The following HMOX1 variants were observed in gnomAD, a reference collection of about 807,000 sequenced individuals.
HMOX1 encodes heat shock protein, 32-kD.
Under a neutral mutation model 27.8 loss-of-function variants are expected in HMOX1, and 22 were observed. The ratio of observed to expected loss-of-function variants is 0.79; its 90% CI spans 0.57 to 1.13. The LOEUF is 1.13. Ranked by LOEUF, HMOX1 falls within the 50% of genes most tolerant of loss-of-function variation. The pLI, the probability that HMOX1 is intolerant of heterozygous loss-of-function variation, is 0.00. For missense variants in HMOX1, 379 were observed against 377.7 expected, an observed-to-expected ratio of 1.00 and a Z score of -0.03; for synonymous variants, 153 against 151.6, an observed-to-expected ratio of 1.01 and a Z score of -0.07.
chr22:35,383,728 C>T (rs952552009), intron 2 of HMOX1, among the ~76,000 whole-genome samples: 1 of 152,180 alleles, frequency 6.6e-6, no homozygotes, highest in African/African-American at 2.4e-5. Context: ...TAACAGAACC[C>T]TTTTCTAACA....
intron 4 of HMOX1, among the ~76,000 whole-genome samples, chr22:35,393,245 T>G (rs994598608): frequency 2.6e-5 from 4 of 152,186 alleles, no homozygotes; most frequent in Non-Finnish European, 4.4e-5. Flanking sequence ...GTGGCCTGGC[T>G]GCACAGGGAA....
At position 35,393,544 on chromosome 22, in the gene HMOX1, C is replaced by G. The variant is rs751409902; in HGVS notation, c.813C>G (p.Val271=). The G allele has an allele frequency of 2.5e-6, 4 of 1,614,086 alleles. No homozygotes were observed. The highest frequency in any genetic ancestry group is 3.4e-6 in the Non-Finnish European group (4 of 1,180,032). Residue 271 remains valine (V), a synonymous_variant, in exon 5 of 5, where the codon GTC becomes GTG. Coordinates refer to ENST00000216117, the MANE Select transcript of HMOX1 (RefSeq NM_002133.3). ...CCCAGGCTCCGCTTCTCCGATGGGT[C>G]CTTACACTCAGCTTTCTGGTGGCGA... ...TRSQAPLLRW[V]LTLSFLVATV... is the part of the protein sequence containing the mutation.
intron 2 of HMOX1, among the ~76,000 whole-genome samples, chr22:35,385,065 T>C (rs1447051817): frequency 1.3e-5 from 2 of 152,086 alleles, no homozygotes; most frequent in Non-Finnish European, 2.9e-5. Flanking sequence ...CTTAACTTTG[T>C]TCTCCTTCAA....
chr22:35,389,873 G>T lies in HMOX1; in HGVS notation c.646G>T (p.Glu216Ter), dbSNP rs1241685742. Residue 216 changes from glutamate to a stop codon, truncating the protein, a stop_gained, in exon 4 of 5, where the codon GAG becomes TAG. Coordinates refer to ENST00000216117, the MANE Select transcript of HMOX1 (RefSeq NM_002133.3). LOFTEE classifies it high-confidence loss of function. ...AFLLNIQLFEELQELLTHDTK... is the reference protein window; with the variant it reads ...AFLLNIQLFE ...GTCTTTTGTCTTTTAGCTCTTTGAGGAGTTGCAGGAGCTGCTGACCCATGA... is the reference window on the plus strand; with the variant it reads ...GTCTTTTGTCTTTTAGCTCTTTGAGTAGTTGCAGGAGCTGCTGACCCATGA... 6.2e-7 allele frequency: 1 copy of T among 1,608,190 alleles called. No individual in the cohort carries two copies. The highest frequency in any genetic ancestry group is 1.7e-5 in the Admixed American group (1 of 59,276).
chr22:35,389,319 CTTCTTTCT>C lies in HMOX1; in HGVS notation c.637-531_637-524del, dbSNP rs369961459. Among the ~76,000 whole-genome samples, 13 of 86,352 alleles carry C rather than the reference CTTCTTTCT, an allele frequency of 1.5e-4. 3 individuals are homozygous for C. The highest frequency in any genetic ancestry group is 7.1e-4 in the African/African-American group (10 of 14,176). The allele number at this position is 86,352 out of a possible 152,430, so 56.7% of individuals were successfully genotyped here. ...TTCTTCTTTCTTTCTTTCTTTCTTT[CTTCTTTCT>C]TTCTTTCTTTCTTCTCCTTCCTTCC... is the stretch of plus-strand genomic sequence containing the variant. On this transcript the variant is annotated intron_variant, in intron 3 of 4. Coordinates refer to ENST00000216117, the MANE Select transcript of HMOX1 (RefSeq NM_002133.3).
intron 2 of HMOX1, 78 bp from the exon 3 acceptor site, chr22:35,386,607 A>T: frequency 6.3e-7 from 1 of 1,595,804 alleles, no homozygotes; most frequent in African/African-American, 1.3e-5. Context: ...GCCTTTCCAA[A>T]GGCAGTAGTG....
Position 35,383,224 on chromosome 22 carries a change from A to C in HMOX1, c.142A>C (p.Lys48Gln). The stretch of plus-strand genomic sequence containing the variant: ...GGGCCAGGTGACCCGAGACGGCTTC[A>C]AGGTATGTGGCTTGGTGGGACTAGC... Reference protein sequence around the residue: ...QKGQVTRDGFKLVMASLYHIY... With the variant: ...QKGQVTRDGFQLVMASLYHIY... Residue 48 changes from lysine (K) to glutamine (Q), a missense_variant and splice_region_variant, in exon 2 of 5, where the codon AAG becomes CAG. Physicochemically the swap from Lys to Gln is moderately conservative, Grantham distance 53. Coordinates refer to ENST00000216117, the MANE Select transcript of HMOX1 (RefSeq NM_002133.3). The C allele has an allele frequency of 6.2e-7, 1 of 1,613,330 alleles. No homozygotes were observed. The highest frequency in any genetic ancestry group is 8.5e-7 in the Non-Finnish European group (1 of 1,179,476).
Position 35,387,107 on chromosome 22 carries a change from G to C in HMOX1, c.567G>C (p.Leu189=), listed in dbSNP as rs1373212442. The C allele has an allele frequency of 1.9e-6, 3 of 1,613,500 alleles. No individual in the cohort carries two copies. In the African/African-American group the frequency reaches 4.0e-5, roughly 22 times the overall value. Residue 189 remains leucine (L), a synonymous_variant, in exon 3 of 5, where the codon CTG becomes CTC. Transcript: ENST00000216117. ...TCTACCGCTCCCGCATGAACTCCCT[G>C]GAGATGACTCCCGCAGTCAGGCAGA... ...KQLYRSRMNS[L]EMTPAVRQRV...
At chr22:35,382,035 G>T (rs990637458) in intron 1 of HMOX1, among the ~76,000 whole-genome samples, 3 of 152,182 alleles carry the variant, frequency 2.0e-5, no homozygotes, top group Non-Finnish European at 4.4e-5. Context: ...TTCATGATGA[G>T]CATAACATGA....
intron 4 of HMOX1, among the ~76,000 whole-genome samples, chr22:35,391,767 TTTTTGGCTTTTTTTAAAAAAGCCAA>T (rs1931731529): frequency 6.6e-6 from 1 of 151,450 alleles, no homozygotes; most frequent in Non-Finnish European, 1.5e-5. Flanking sequence ...ATTTTTTTTT[TTTTTGGCTTTTTTTAAAAAAGCCAA>T]AAATAAATGA....
At position 35,387,172 on chromosome 22, in the gene HMOX1, TC is replaced by T; in HGVS notation, c.634del (p.Gln212SerfsTer10). 2.5e-6 allele frequency: 4 copies of T among 1,613,410 alleles called. No homozygotes were observed. Among genetic ancestry groups the T allele is most frequent in the Non-Finnish European group, 3.4e-6 (4 of 1,180,028 alleles). ...EEAKTAFLLNIQLFEELQELL... is the reference protein window; with the variant it reads ...EEAKTAFLLNXQLFEELQELL... ...GCCAAGACTGCGTTCCTGCTCAACATCCAGGTGAGGGTCGGGCAGCCTGGGG... is the reference window on the plus strand; with the variant it reads ...GCCAAGACTGCGTTCCTGCTCAACATCAGGTGAGGGTCGGGCAGCCTGGGG... On this transcript the variant is annotated frameshift_variant, in exon 3 of 5. Coordinates refer to ENST00000216117, the MANE Select transcript of HMOX1 (RefSeq NM_002133.3). LOFTEE classifies it high-confidence loss of function.
intron 2 of HMOX1, 69 bp from the exon 3 acceptor site, chr22:35,386,616 T>A: frequency 2.5e-6 from 4 of 1,607,160 alleles, no homozygotes; most frequent in South Asian, 1.1e-5. Context: ...AAGGCAGTAG[T>A]GGACGGGACG....
chr22:35,386,555 G>C (rs1407790673), intron 2 of HMOX1, 130 bp from the exon 3 acceptor site: 2 of 1,084,638 alleles, frequency 1.8e-6, no homozygotes, highest in Non-Finnish European at 2.8e-6. Flanking sequence ...TTGTAGCGAG[G>C]GGTGGCAGAA....
At chr22:35,387,338 ATC>A (rs1303174093) in intron 3 of HMOX1, among the ~76,000 whole-genome samples, 162 bp downstream of exon 3, 1 of 152,188 alleles carries the variant, frequency 6.6e-6, no homozygotes, top group African/African-American at 2.4e-5. Context: ...AAATGCCTTC[ATC>A]TCTCTGTACC....
At chr22:35,382,011 T>C (rs1931397276) in intron 1 of HMOX1, among the ~76,000 whole-genome samples, 1 of 152,196 alleles carries the variant, frequency 6.6e-6, no homozygotes, top group Admixed American at 6.5e-5. Flanking sequence ...CTCAGGCTTT[T>C]TAACCCTGAC....
At chr22:35,390,390 A>AT (rs200929343) in intron 4 of HMOX1, 1,238 of 259,420 alleles carry the variant, frequency 4.8e-3, no homozygotes, top group South Asian at 9.6e-3. Flanking sequence ...TGCCTGGCTA[A>AT]TTTTTTTTTT....
In HMOX1 at chr22:35,386,910, A is replaced by G. The variant is rs200456582; in HGVS notation, c.370A>G (p.Thr124Ala). The G allele has an allele frequency of 6.2e-7, 1 of 1,614,006 alleles. No individual in the cohort carries two copies. The highest frequency in any genetic ancestry group is 2.2e-5 in the East Asian group (1 of 44,884). Residue 124 changes from threonine (T) to alanine (A), a missense_variant, in exon 3 of 5, where the codon ACA becomes GCA. By Grantham distance (58) the Thr-to-Ala change is moderately conservative (BLOSUM62 0). Transcript: ENST00000216117. ...YVKRLHEVGR[T>A]EPELLVAHAY... ...GAAGCGGCTCCACGAGGTGGGGCGC[A>G]CAGAGCCCGAGCTGCTGGTGGCCCA...
chr22:35,382,987 C>A (rs1206607661), intron 1 of HMOX1, 119 bp from the exon 2 acceptor site: 1 of 1,380,284 alleles, frequency 7.2e-7, no homozygotes, highest in Non-Finnish European at 1.0e-6. Flanking sequence ...CGATTGAGAA[C>A]GTGGCCTGAA....
rs748669503 is a variant in HMOX1 at position 35,393,602 on chromosome 22, C to A, written c.*4C>A. ...TGTAGGGCTTTATGCCATGTGAATG[C>A]AGGCATGCTGGCTCCCAGGGCCATG... On this transcript the variant is annotated 3_prime_UTR_variant, in exon 5 of 5. Coordinates refer to ENST00000216117, the MANE Select transcript of HMOX1 (RefSeq NM_002133.3). The A allele has an allele frequency of 6.2e-7, 1 of 1,614,078 alleles. No individual in the cohort carries two copies. The highest frequency in any genetic ancestry group is 1.1e-5 in the South Asian group (1 of 91,084).
Sources: gnomAD v4.1 joint callset for allele counts (sites outside exome capture counted in the v4.1 genomes callset) on GRCh38, gnomAD v4.1.1 for gene constraint, MANE v1.5 for transcripts, NCBI Gene and HGNC (gene_info 2026-07-23, HGNC 2026-07-21) for gene names.